Variants in TM2D2 observed in about 807,000 individuals in gnomAD.
TM2D2 encodes TM2 domain-containing protein 2.
TM2D2 carries 19 observed loss-of-function variants against 23.0 expected under a neutral mutation model. That is an observed-to-expected ratio of 0.82 (90% CI 0.58 to 1.21). TM2D2 has a LOEUF of 1.21. Ranked by LOEUF, TM2D2 falls within the 50% of genes most tolerant of loss-of-function variation. The probability of loss-of-function intolerance (pLI) is 0.00; values close to 1 mark genes in which losing one functional copy is unlikely to be tolerated. For missense variants in TM2D2, 246 were observed against 265.4 expected (o/e 0.93, Z 0.51); for synonymous variants, 120 against 108.8 (o/e 1.10, Z -0.64).
chr8:38,991,890 T>C (rs1156350504), intron 3 of TM2D2, among the ~76,000 whole-genome samples: 1 of 152,112 alleles, frequency 6.6e-6, no homozygotes, highest in Non-Finnish European at 1.5e-5. Flanking sequence ...GGCGAATAGT[T>C]TAGAACTGGC....
At chr8:38,994,591 A>G (rs1037556036) in intron 2 of TM2D2, among the ~76,000 whole-genome samples, 1 of 152,146 alleles carries the variant, frequency 6.6e-6, no homozygotes, top group Non-Finnish European at 1.5e-5. Context: ...TTTAGTACAA[A>G]ACATGCCTTC....
chr8:38,996,875 A>G (rs548248880), upstream of TM2D2: 80 of 1,463,850 alleles, frequency 5.5e-5, no homozygotes, highest in African/African-American at 1.0e-3. Context: ...CAGCTAGGCG[A>G]TGTCGGGAGC....
At chr8:38,992,834 G>A (rs1050038224) in intron 3 of TM2D2, among the ~76,000 whole-genome samples, 3 of 152,274 alleles carry the variant, frequency 2.0e-5, no homozygotes, top group Non-Finnish European at 4.4e-5. Flanking sequence ...TTTGAGCAGC[G>A]AAAAGCGAGG....
In TM2D2 at chr8:38,991,508, A is replaced by T. The variant is rs1244612415; in HGVS notation, c.469T>A (p.Ser157Thr). ...ACACCAAAACATCCCAGGAAGAAGG[A>T]GTAGAGTAAAGTGGTTATGAAGTAG... is the stretch of plus-strand genomic sequence containing the variant. ...GHYFITTLLY[S>T]FFLGCFGVDR... is the part of the protein sequence containing the mutation. Residue 157 changes from serine (S) to threonine (T), a missense_variant, in exon 4 of 4, where the codon TCC becomes ACC. Coordinates refer to ENST00000456397, the MANE Select transcript of TM2D2 (RefSeq NM_078473.3). 1.2e-6 allele frequency: 2 copies of T among 1,613,958 alleles called. No individual in the cohort carries two copies. The highest frequency in any genetic ancestry group is 1.6e-4 in the Middle Eastern group (1 of 6,062).
At position 38,990,047 on chromosome 8, in the gene TM2D2, T is replaced by C. The variant is rs549036138; in HGVS notation, c.*1285A>G. The stretch of plus-strand genomic sequence containing the variant: ...GTTATAAGCAAGGTTAAGGTCAGTG[T>C]GGTACAGAACTTTCAAGACAGAATA... On this transcript the variant is annotated 3_prime_UTR_variant, in exon 4 of 4. Transcript: ENST00000456397. The C allele has an allele frequency of 6.6e-6, 1 of 152,334 alleles. No homozygotes were observed. The highest frequency in any genetic ancestry group is 1.5e-5 in the Non-Finnish European group (1 of 68,036). The allele number at this position is 152,334 out of a possible 1,614,324, so 9.4% of individuals were successfully genotyped here. A position where few individuals can be genotyped will look rare whatever the true frequency, so the allele number is the denominator to read the frequency against.
In TM2D2 at chr8:38,995,311, AACTC is replaced by A. The variant is rs746591607; in HGVS notation, c.315+3_315+6del. 6.3e-7 allele frequency: 1 copy of A among 1,579,680 alleles called. No homozygotes were observed. The highest frequency in any genetic ancestry group is 8.6e-7 in the Non-Finnish European group (1 of 1,166,494). On this transcript the variant is annotated splice_donor_5th_base_variant and intron_variant, in intron 2 of 3. Coordinates refer to ENST00000456397, the MANE Select transcript of TM2D2 (RefSeq NM_078473.3). The stretch of plus-strand genomic sequence containing the variant: ...GGGTTTGCTCTTACGACAAAACAAA[AACTC>A]ACCTTGAGACAACCATAACCAAGTT...
At chr8:38,991,965 C>G (rs1013892832) in intron 3 of TM2D2, among the ~76,000 whole-genome samples, 1 of 152,042 alleles carries the variant, frequency 6.6e-6, no homozygotes, top group Non-Finnish European at 1.5e-5. Flanking sequence ...GGCACTTGGA[C>G]CTGAGAAGAC....
At position 38,991,555 on chromosome 8, in the gene TM2D2, AG is replaced by A; in HGVS notation, c.432-11del. 6.3e-7 allele frequency: 1 copy of A among 1,592,766 alleles called. No individual in the cohort carries two copies. Among genetic ancestry groups the A allele is most frequent in the South Asian group, 1.1e-5 (1 of 90,538 alleles). ...GTAGTGTCCGGTATACCTAGGTGAA[AG>A]GAATGAAAAGGAAGATGTTTTACTG... On this transcript the variant is annotated splice_polypyrimidine_tract_variant and intron_variant, in intron 3 of 3. Transcript: ENST00000456397.
upstream of TM2D2, chr8:38,996,731 C>T (rs771353829): frequency 4.6e-5 from 66 of 1,419,354 alleles, no homozygotes; most frequent in Non-Finnish European, 6.0e-5. Context: ...ATCCGTCGAC[C>T]CCCCTAGGTG....
intron 2 of TM2D2, among the ~76,000 whole-genome samples, chr8:38,994,612 C>T (rs757081754): frequency 2.6e-5 from 4 of 152,140 alleles, no homozygotes; most frequent in Non-Finnish European, 5.9e-5. Context: ...CCATCATTCT[C>T]TTAACATCTG....
At chr8:38,992,483 CT>C (rs1209148031) in intron 3 of TM2D2, among the ~76,000 whole-genome samples, 1 of 120,334 alleles carries the variant, frequency 8.3e-6, no homozygotes, top group African/African-American at 2.8e-5. Flanking sequence ...AAGACCCCAT[CT>C]CCAAAAAAAA....
rs1564188078 is a variant in TM2D2 at position 38,990,015 on chromosome 8, T to C, written c.*1317A>G. The C allele has an allele frequency of 6.6e-6, 1 of 152,238 alleles. No individual in the cohort carries two copies. The highest frequency in any genetic ancestry group is 1.5e-5 in the Non-Finnish European group (1 of 68,036). The allele number at this position is 152,238 out of a possible 1,614,324, so 9.4% of individuals were successfully genotyped here. On this transcript the variant is annotated 3_prime_UTR_variant, in exon 4 of 4. Transcript: ENST00000456397. ...AGATTATGAATTAAAAGTTTACCAA[T>C]TGTTATGTTATAAGCAAGGTTAAGG...
At chr8:38,994,307 C>T (rs1835691378) in intron 2 of TM2D2, among the ~76,000 whole-genome samples, 1 of 152,132 alleles carries the variant, frequency 6.6e-6, no homozygotes, top group Admixed American at 6.5e-5. Context: ...CACAGATATT[C>T]ATTTTTTACT....
chr8:38,993,395 G>A (rs1260203090), intron 3 of TM2D2, 150 bp downstream of exon 3: 1 of 490,136 alleles, frequency 2.0e-6, no homozygotes, highest in African/African-American at 2.0e-5. Flanking sequence ...GGTCCAGGCT[G>A]CGATAAGCCA....
At position 38,996,311 on chromosome 8, in the gene TM2D2, C is replaced by G. The variant is rs749256863; in HGVS notation, c.129G>C (p.Glu43Asp). 1 of 1,614,166 alleles carries G rather than the reference C, an allele frequency of 6.2e-7. No individual in the cohort carries two copies. The highest frequency in any genetic ancestry group is 8.5e-7 in the Non-Finnish European group (1 of 1,180,030). The change falls in exon 1 of 4, where the codon GAG becomes GAC. Residue 43 changes from glutamate to aspartate, a missense_variant. Transcript: ENST00000456397. ...GCTGGGCGGCGCCAGCGGATGTGAGCTCAGGCTCAGCGGTCGCATTTTGCG... is the reference window on the plus strand; with the variant it reads ...GCTGGGCGGCGCCAGCGGATGTGAGGTCAGGCTCAGCGGTCGCATTTTGCG... ...SHSQNATAEP[E>D]LTSAGAAQPE...
Position 38,996,497 on chromosome 8 carries a change from A to T in TM2D2, c.-58T>A. Reference sequence around the variant, plus strand: ...AACCACAACCCCAGGCCAGCAGCACAGACCCAAGAACTGCGTGGTCAGGCC... The same window carrying T: ...AACCACAACCCCAGGCCAGCAGCACTGACCCAAGAACTGCGTGGTCAGGCC... On this transcript the variant is annotated 5_prime_UTR_variant, in exon 1 of 4. Coordinates refer to ENST00000456397, the MANE Select transcript of TM2D2 (RefSeq NM_078473.3). 1 of 1,604,916 alleles carries T rather than the reference A, an allele frequency of 6.2e-7. No individual in the cohort carries two copies. Among genetic ancestry groups the T allele is most frequent in the Non-Finnish European group, 8.5e-7 (1 of 1,174,466 alleles).
At chr8:38,996,632 G>A (rs748282823), upstream of TM2D2, 35 of 1,435,372 alleles carry the variant, frequency 2.4e-5, no homozygotes, top group Non-Finnish European at 3.2e-5. Context: ...AGACGGGCGG[G>A]GCTACTCCGC....
intron 1 of TM2D2, chr8:38,995,835 C>G (rs1835758075): frequency 8.4e-7 from 1 of 1,193,574 alleles, no homozygotes; most frequent in South Asian, 2.4e-5. Flanking sequence ...TAAAAGATGC[C>G]TTGTAGGCAG....
chr8:38,995,554 T>C, intron 1 of TM2D2, 149 bp from the exon 2 acceptor site: 1 of 1,511,198 alleles, frequency 6.6e-7, no homozygotes, highest in South Asian at 1.3e-5. Context: ...CCAAGCCAAT[T>C]AAACTGAAGC....
Sources: gnomAD v4.1 joint callset for allele counts (sites outside exome capture counted in the v4.1 genomes callset) on GRCh38, gnomAD v4.1.1 for gene constraint, MANE v1.5 for transcripts, NCBI Gene and HGNC (gene_info 2026-07-23, HGNC 2026-07-21) for gene names.